Variants in ROR1 observed in about 807,000 individuals in gnomAD.
ROR1 encodes ROR family WNT receptor 1, also known as inactive tyrosine-protein kinase transmembrane receptor ROR1.
Under a neutral mutation model 78.8 loss-of-function variants are expected in ROR1, and 19 were observed. The ratio of observed to expected loss-of-function variants is 0.24; its 90% confidence interval spans 0.17 to 0.35. ROR1 has a LOEUF of 0.35. Ranked by LOEUF, ROR1 falls within the 10% of genes least tolerant of loss-of-function variation. ROR1 has a pLI of 1.00. For missense variants in ROR1, 917 were observed against 1,177.8 expected (o/e 0.78, Z 3.24); for synonymous variants, 386 against 433.6 (o/e 0.89, Z 1.36).
At chr1:63,860,586 C>CACACACACACAT (rs1557531607) in intron 1 of ROR1, among the ~76,000 whole-genome samples, 6 of 145,118 alleles carry the variant, frequency 4.1e-5, no homozygotes, top group Admixed American at 2.1e-4. Context: ...CACACACACA[C>CACACACACACAT]ACACACACAC....
At chr1:63,800,904 A>G (rs1644792994) in intron 1 of ROR1, among the ~76,000 whole-genome samples, 1 of 151,592 alleles carries the variant, frequency 6.6e-6, no homozygotes, top group African/African-American at 2.4e-5. Flanking sequence ...ATATTAATTA[A>G]CCTTTTTAAT....
intron 1 of ROR1, among the ~76,000 whole-genome samples, chr1:63,925,889 A>G (rs1315923060): frequency 6.7e-6 from 1 of 150,150 alleles, no homozygotes; most frequent in Non-Finnish European, 1.5e-5. Flanking sequence ...AATTTGTTTG[A>G]GTTCATTGTA....
chr1:63,840,392 G>A (rs1265665579), intron 1 of ROR1, among the ~76,000 whole-genome samples: 1 of 151,120 alleles, frequency 6.6e-6, no homozygotes, highest in Non-Finnish European at 1.5e-5. Flanking sequence ...TGAGTCTCCT[G>A]CCTCAGCCTC....
chr1:63,975,987 C>T (rs1646156966), intron 1 of ROR1, among the ~76,000 whole-genome samples: 1 of 152,152 alleles, frequency 6.6e-6, no homozygotes, highest in South Asian at 2.1e-4. Flanking sequence ...GCTAATAGTG[C>T]TGTGGGGAAT....
chr1:63,862,375 C>G (rs1013566569), intron 1 of ROR1, among the ~76,000 whole-genome samples: 1 of 106,960 alleles, frequency 9.3e-6, no homozygotes, highest in Non-Finnish European at 1.7e-5. Context: ...CCCTGGGAGA[C>G]AGAGTGAGAC....
At chr1:64,024,875 A>G (rs184768877) in intron 2 of ROR1, among the ~76,000 whole-genome samples, 76 of 152,294 alleles carry the variant, frequency 5.0e-4, no homozygotes, top group African/African-American at 1.8e-3. Flanking sequence ...TGAATTTTTT[A>G]TGTTTAGTAG....
At chr1:63,997,677 A>C (rs1036457512) in intron 1 of ROR1, among the ~76,000 whole-genome samples, 5 of 61,786 alleles carry the variant, frequency 8.1e-5, no homozygotes, top group African/African-American at 2.0e-4. Flanking sequence ...GCTGCAGGTT[A>C]TGTTAAGACT....
intron 4 of ROR1, among the ~76,000 whole-genome samples, chr1:64,084,756 A>G (rs1440785480): frequency 1.3e-5 from 2 of 152,178 alleles, no homozygotes; most frequent in African/African-American, 2.4e-5. Context: ...AACTCCTTCA[A>G]CAGACAAAGC....
At chr1:63,939,126 C>G (rs1367433738) in intron 1 of ROR1, among the ~76,000 whole-genome samples, 1 of 152,144 alleles carries the variant, frequency 6.6e-6, no homozygotes, top group Non-Finnish European at 1.5e-5. Flanking sequence ...TCCAGAATGC[C>G]CAAATCACTC....
At chr1:63,781,390 A>T (rs1241987875) in intron 1 of ROR1, among the ~76,000 whole-genome samples, 2 of 152,178 alleles carry the variant, frequency 1.3e-5, no homozygotes, top group Admixed American at 1.3e-4. Context: ...GAAGGTAAGT[A>T]TCTCAGCCAA....
chr1:63,784,900 T>C (rs1347789735), intron 1 of ROR1, among the ~76,000 whole-genome samples: 1 of 152,244 alleles, frequency 6.6e-6, no homozygotes, highest in East Asian at 1.9e-4. Flanking sequence ...TTGCTAGTTC[T>C]CAGCGCCTTG....
chr1:63,925,255 T>A (rs1311267576), intron 1 of ROR1, among the ~76,000 whole-genome samples: 26 of 148,834 alleles, frequency 1.7e-4, no homozygotes, highest in African/African-American at 6.2e-4. Context: ...TGAGTGAGAA[T>A]ATGCGGTGTC....
At chr1:64,156,705 CAAAAAAA>C (rs140451468) in intron 7 of ROR1, among the ~76,000 whole-genome samples, 2 of 92,594 alleles carry the variant, frequency 2.2e-5, no homozygotes. Context: ...GACTCCGTCT[CAAAAAAA>C]AAAAAAAAAA....
In ROR1 at chr1:63,838,289, A is replaced by G. The variant is rs1645030414; in HGVS notation, c.91+63781A>G. Among the ~76,000 whole-genome samples, 2 of 151,732 alleles carry G rather than the reference A, an allele frequency of 1.3e-5. 1 individual carries two copies. Among genetic ancestry groups the G allele is most frequent in the South Asian group, 4.2e-4 (2 of 4,788 alleles). ...ACATTATCTGTAAAACAGCCTCCTG[A>G]AGGACCTGAAGGCAGGTCCTTCAGG... On this transcript the variant is annotated intron_variant, in intron 1 of 8. Coordinates refer to ENST00000371079, the MANE Select transcript of ROR1 (RefSeq NM_005012.4).
At chr1:64,147,901 G>C (rs1391598704) in intron 7 of ROR1, among the ~76,000 whole-genome samples, 4 of 152,124 alleles carry the variant, frequency 2.6e-5, no homozygotes, top group African/African-American at 9.7e-5. Flanking sequence ...GTTATCACAA[G>C]TGGGTGGGGT....
intron 1 of ROR1, among the ~76,000 whole-genome samples, chr1:63,816,690 G>A (rs1381614436): frequency 1.3e-5 from 2 of 152,208 alleles, no homozygotes; most frequent in East Asian, 3.8e-4. Flanking sequence ...TACACACCTT[G>A]AGGTTGTTGA....
At chr1:63,955,043 G>A (rs1045802074) in intron 1 of ROR1, among the ~76,000 whole-genome samples, 1 of 152,156 alleles carries the variant, frequency 6.6e-6, no homozygotes, top group African/African-American at 2.4e-5. Flanking sequence ...ATTCCATTTG[G>A]TGATTAGTAA....
intron 4 of ROR1, among the ~76,000 whole-genome samples, chr1:64,117,540 C>A (rs11808138): frequency 0.3 from 46,266 of 152,064 alleles, 7,478 homozygotes; most frequent in African/African-American, 0.34. Flanking sequence ...CTTTTTCTCA[C>A]ATCACCTGCT....
intron 1 of ROR1, among the ~76,000 whole-genome samples, chr1:63,984,321 A>C (rs925929344): frequency 2.0e-5 from 3 of 152,158 alleles, no homozygotes; most frequent in African/African-American, 2.4e-5. Flanking sequence ...GGAGAAACAG[A>C]GCACTGGTGC....
Sources: gnomAD v4.1 joint callset for allele counts (sites outside exome capture counted in the v4.1 genomes callset) on GRCh38, gnomAD v4.1.1 for gene constraint, MANE v1.5 for transcripts, NCBI Gene and HGNC (gene_info 2026-07-23, HGNC 2026-07-21) for gene names.